Variants in TRPM2 observed in about 807,000 individuals in gnomAD.
TRPM2 encodes transient receptor potential cation channel subfamily M member 2, also known as estrogen-responsive element-associated gene 1 protein.
A neutral mutation model predicts 174.0 loss-of-function variants in TRPM2; 161 were observed. The observed-to-expected ratio is 0.93, with a 90% CI of 0.81 to 1.05. The LOEUF (loss-of-function observed/expected upper bound fraction) is 1.05, where lower values mean the gene tolerates loss of function less well. Among genes scored for constraint, TRPM2 ranks in the 50% least tolerant of loss-of-function variants. The probability of loss-of-function intolerance (pLI) is 0.00; values close to 1 mark genes in which losing one functional copy is unlikely to be tolerated. For synonymous variants in TRPM2, 954 were observed against 861.3 expected (o/e 1.11, Z -1.88); for missense variants, 2,057 against 2,038.0 (o/e 1.01, Z -0.18).
chr21:44,406,039 T>G lies in TRPM2; in HGVS notation c.2790+2T>G. The G allele has an allele frequency of 6.2e-7, 1 of 1,604,990 alleles. No individual in the cohort carries two copies. Among genetic ancestry groups the G allele is most frequent in the Non-Finnish European group, 8.5e-7 (1 of 1,179,546 alleles). ...AAGATCATCATTGTGAAGCGGATGG[T>G]AAGGGGGCGGGGGCACCGGCTCCAT... On this transcript the variant is annotated splice_donor_variant, in intron 18 of 31. Coordinates refer to ENST00000397928, the MANE Select transcript of TRPM2 (RefSeq NM_003307.4). LOFTEE classifies it high-confidence loss of function.
Position 44,438,271 on chromosome 21 carries a change from C to T in TRPM2, c.4168-796C>T, listed in dbSNP as rs1399597484. Among the ~76,000 whole-genome samples the T allele has an allele frequency of 1.3e-5, 2 of 152,220 alleles. No individual in the cohort carries two copies. The highest frequency in any genetic ancestry group is 2.9e-5 in the Non-Finnish European group (2 of 68,036). ...CCTGTGCACACCTGGCCCTGGAACA[C>T]GAGTCACCCTCCGCTCTCTGGCACT... On this transcript the variant is annotated intron_variant, in intron 29 of 31. Transcript: ENST00000397928. This position sits in a 1 kb window ranked among gnomAD's most constrained non-coding sequence, Gnocchi z 5.9.
rs1156767954 is a variant in TRPM2 at position 44,399,254 on chromosome 21, T to G, written c.2063-42T>G. 1.9e-6 allele frequency: 3 copies of G among 1,588,412 alleles called. No individual in the cohort carries two copies. The South Asian group carries it at 3.4e-5, about 18-fold the overall frequency. The stretch of plus-strand genomic sequence containing the variant: ...TGACCCGTCCCCAGGGCTCAGTGAT[T>G]GTGACCTGCTGCTCTGACGGGGCTC... On this transcript the variant is annotated intron_variant, in intron 13 of 31. Coordinates refer to ENST00000397928, the MANE Select transcript of TRPM2 (RefSeq NM_003307.4). This position sits in a 1 kb window ranked among gnomAD's most constrained non-coding sequence, Gnocchi z 4.6.
rs1569107278 is a variant in TRPM2, at chr21:44,426,554, T to C, written c.3796-106T>C. ...AGCTTCTGCCCTGCATGTTGGGATG[T>C]TGGGGTCGGGTTCAGACCCAGCTGA... On this transcript the variant is annotated intron_variant, in intron 25 of 31. Coordinates refer to ENST00000397928, the MANE Select transcript of TRPM2 (RefSeq NM_003307.4). 23 of 1,151,574 alleles carry C rather than the reference T, an allele frequency of 2.0e-5. No homozygotes were observed. In the East Asian group the frequency reaches 5.4e-4, roughly 27 times the overall value. 71.3% of individuals were successfully genotyped at this position (1,151,574 alleles called of 1,614,324 possible). A position where few individuals can be genotyped will look rare whatever the true frequency, so the allele number is the denominator to read the frequency against.
upstream of TRPM2, among the ~76,000 whole-genome samples, chr21:44,350,527 G>T (rs1360970278): frequency 1.6e-4 from 24 of 145,534 alleles, no homozygotes; most frequent in Admixed American, 1.2e-3. Flanking sequence ...GGGCGCGGTG[G>T]GGTGCAAGGG....
At chr21:44,419,715 GGTGGTGATGGTA>G in intron 22 of TRPM2, among the ~76,000 whole-genome samples, 1 of 150,986 alleles carries the variant, frequency 6.6e-6, no homozygotes. Flanking sequence ...TGGTGATGGT[GGTGGTGATGGTA>G]GTGGTGGTGA....
At chr21:44,385,170 G>C (rs1425925101) in intron 9 of TRPM2, among the ~76,000 whole-genome samples, 1 of 152,004 alleles carries the variant, frequency 6.6e-6, no homozygotes, top group Non-Finnish European at 1.5e-5. Flanking sequence ...AGAATGATGG[G>C]GAAAAAACAT....
intron 11 of TRPM2, among the ~76,000 whole-genome samples, chr21:44,393,429 G>A (rs1364162486): frequency 6.6e-6 from 1 of 152,100 alleles, no homozygotes; most frequent in Admixed American, 6.6e-5. Context: ...TTAATATACT[G>A]GATTCTCTTG....
Position 44,354,103 on chromosome 21 carries a change from C to A in TRPM2, c.165+238C>A, listed in dbSNP as rs943857178. On this transcript the variant is annotated intron_variant, in intron 1 of 31. Transcript: ENST00000397928. This position sits in a 1 kb window ranked among gnomAD's most constrained non-coding sequence, Gnocchi z 4.3. ...TGATTGGGAAATCACCGGGTTAACT[C>A]AAAAATGTTGCGCTAGAGTCCTGGA... Among the ~76,000 whole-genome samples the A allele has an allele frequency of 6.6e-6, 1 of 152,184 alleles. No homozygotes were observed. Among genetic ancestry groups the A allele is most frequent in the African/African-American group, 2.4e-5 (1 of 41,434 alleles).
chr21:44,351,182 T>C (rs1052425876), upstream of TRPM2, among the ~76,000 whole-genome samples: 2 of 152,138 alleles, frequency 1.3e-5, no homozygotes, highest in African/African-American at 4.8e-5. Flanking sequence ...CACACCAGGA[T>C]CCTCTCGAGT....
intron 5 of TRPM2, among the ~76,000 whole-genome samples, chr21:44,375,189 C>T (rs2048661235): frequency 2.0e-5 from 3 of 152,326 alleles, no homozygotes; most frequent in South Asian, 2.1e-4. Context: ...GGATTCCAGG[C>T]GTGAGCCACC....
At position 44,395,427 on chromosome 21, in the gene TRPM2, G is replaced by C; in HGVS notation, c.1808G>C (p.Ser603Thr). Residue 603 changes from serine to threonine, a missense_variant, in exon 12 of 32, where the codon AGC becomes ACC. Ser to Thr is a moderately conservative substitution (Grantham distance 58). Transcript: ENST00000397928. ...ACTGCTCACCAGGTGCAGGGAGTGA[G>C]CCTCCGGTCCCTCTACAAGCGTTCC... ...PHVKLNVQGVSLRSLYKRSSG... is the reference protein window; with the variant it reads ...PHVKLNVQGVTLRSLYKRSSG... 6.2e-7 allele frequency: 1 copy of C among 1,612,726 alleles called. No individual in the cohort carries two copies.
intron 13 of TRPM2, among the ~76,000 whole-genome samples, chr21:44,398,819 C>T (rs979724358): frequency 6.6e-6 from 1 of 152,152 alleles, no homozygotes; most frequent in African/African-American, 2.4e-5. Context: ...CTTGTGGCCT[C>T]TGGCTGCGTG....
intron 11 of TRPM2, among the ~76,000 whole-genome samples, chr21:44,393,238 C>T (rs368649598): frequency 6.6e-6 from 1 of 152,126 alleles, no homozygotes; most frequent in Non-Finnish European, 1.5e-5. Context: ...TGTATTTCCT[C>T]TTGGGAGTAT....
chr21:44,358,293 C>T (rs1415334619), intron 2 of TRPM2, among the ~76,000 whole-genome samples: 2 of 145,870 alleles, frequency 1.4e-5, no homozygotes, highest in African/African-American at 5.3e-5. Flanking sequence ...CTTCCCTGGG[C>T]CACCAATCCT....
Position 44,418,019 on chromosome 21 carries a change from C to G in TRPM2, c.3239C>G (p.Ala1080Gly). 1 of 1,613,044 alleles carries G rather than the reference C, an allele frequency of 6.2e-7. No homozygotes were observed. The highest frequency in any genetic ancestry group is 1.1e-5 in the South Asian group (1 of 91,084). Residue 1080 changes from alanine to glycine, a missense_variant, in exon 21 of 32, where the codon GCG becomes GGG. Coordinates refer to ENST00000397928, the MANE Select transcript of TRPM2 (RefSeq NM_003307.4). ...GAGGAGTACCACGGCCGCCCCGCCGCGCCGCCCCCCTTCATCCTCCTCAGC... is the reference window on the plus strand; with the variant it reads ...GAGGAGTACCACGGCCGCCCCGCCGGGCCGCCCCCCTTCATCCTCCTCAGC... Reference protein sequence around the residue: ...LIEEYHGRPAAPPPFILLSHL... With the variant: ...LIEEYHGRPAGPPPFILLSHL...
At chr21:44,398,741 G>A (rs2049513168) in intron 13 of TRPM2, among the ~76,000 whole-genome samples, 2 of 152,174 alleles carry the variant, frequency 1.3e-5, no homozygotes, top group Admixed American at 6.5e-5. Flanking sequence ...CAGAATGCAG[G>A]CTTTCAAAAT....
intron 27 of TRPM2, among the ~76,000 whole-genome samples, chr21:44,430,779 T>G (rs2050991541): frequency 6.6e-6 from 1 of 152,186 alleles, no homozygotes; most frequent in African/African-American, 2.4e-5. Flanking sequence ...TTTTCGAATC[T>G]TATTTCCTGT....
rs542379615 is a variant in TRPM2, at chr21:44,432,603, C to T, written c.3975-2528C>T. ...GGGAATGTCCTGCTCCTCCTGCACC[C>T]GGGTCCTCCTGCCCTCTTGCATTGC... On this transcript the variant is annotated intron_variant, in intron 27 of 31. Coordinates refer to ENST00000397928, the MANE Select transcript of TRPM2 (RefSeq NM_003307.4). The surrounding 1 kb of genome is among the most constrained non-coding windows in gnomAD (Gnocchi z 4.9). Among the ~76,000 whole-genome samples the T allele has an allele frequency of 3.6e-4, 55 of 152,284 alleles. No homozygotes were observed. Among genetic ancestry groups the T allele is most frequent in the African/African-American group, 1.1e-3 (47 of 41,550 alleles).
chr21:44,420,257 C>A (rs549255043), intron 22 of TRPM2, among the ~76,000 whole-genome samples: 1 of 152,192 alleles, frequency 6.6e-6, no homozygotes, highest in Non-Finnish European at 1.5e-5. Context: ...TGCCCTCCAC[C>A]CACCCTGTCC....
Sources: allele counts gnomAD v4.1 joint callset (sites outside exome capture counted in the v4.1 genomes callset), GRCh38; gene constraint gnomAD v4.1.1; non-coding constraint Gnocchi (gnomAD v3.1); transcripts MANE v1.5; gene names NCBI Gene and HGNC (gene_info 2026-07-23, HGNC 2026-07-21).